IQGAP2: variants seen among roughly 807,000 people sequenced by gnomAD.
IQGAP2 encodes ras GTPase-activating-like protein IQGAP2.
Under a neutral mutation model 201.3 loss-of-function variants are expected in IQGAP2, and 173 were observed. That is an observed-to-expected ratio of 0.86 (90% CI 0.76 to 0.98). IQGAP2 has a LOEUF of 0.98. Ranked by LOEUF, IQGAP2 falls within the 50% of genes least tolerant of loss-of-function variation. IQGAP2 has a pLI of 0.00. For missense variants in IQGAP2, 1,687 were observed against 1,864.8 expected, an observed-to-expected ratio of 0.90 and a Z score of 1.76; for synonymous variants, 675 against 673.9, an observed-to-expected ratio of 1.00 and a Z score of -0.03.
chr5:76,587,361 A>G (rs945956338), intron 5 of IQGAP2, among the ~76,000 whole-genome samples: 8 of 138,204 alleles, frequency 5.8e-5, no homozygotes, highest in Non-Finnish European at 1.1e-4. Flanking sequence ...ATGCACAAAG[A>G]TGTGTCTGTG....
intron 30 of IQGAP2, among the ~76,000 whole-genome samples, chr5:76,689,946 G>A (rs1439181626): frequency 2.0e-5 from 3 of 152,160 alleles, no homozygotes; most frequent in African/African-American, 7.2e-5. Context: ...GCTTACAAGC[G>A]CCGTATGGGC....
chr5:76,678,907 G>A, intron 28 of IQGAP2, among the ~76,000 whole-genome samples: 1 of 152,102 alleles, frequency 6.6e-6, no homozygotes, highest in East Asian at 1.9e-4. Flanking sequence ...GTTGAAACAG[G>A]GAACTTCCCT....
intron 3 of IQGAP2, 69 bp from the exon 4 acceptor site, chr5:76,570,511 A>G (rs1745037174): frequency 5.8e-6 from 6 of 1,031,344 alleles, no homozygotes; most frequent in Non-Finnish European, 9.2e-6. Flanking sequence ...ACATGAAAAA[A>G]GTTATTGCAA....
intron 5 of IQGAP2, among the ~76,000 whole-genome samples, chr5:76,581,265 C>G (rs770940912): frequency 3.3e-5 from 5 of 152,340 alleles, no homozygotes; most frequent in Admixed American, 2.6e-4. Context: ...CCCTTAGAAC[C>G]TTTTCCTTCC....
At chr5:76,575,224 A>ATGTG (rs10657778) in intron 4 of IQGAP2, among the ~76,000 whole-genome samples, 109 of 151,484 alleles carry the variant, frequency 7.2e-4, no homozygotes, top group South Asian at 2.7e-3. Flanking sequence ...GATTTTTTAA[A>ATGTG]TGTGTGTGTG....
chr5:76,413,261 C>T (rs1400364616), intron 1 of IQGAP2, among the ~76,000 whole-genome samples: 2 of 144,840 alleles, frequency 1.4e-5, no homozygotes, highest in East Asian at 4.4e-4. Flanking sequence ...CTCCACCTCC[C>T]AGGTTCAAGC....
chr5:76,493,552 T>C (rs954566041), intron 2 of IQGAP2, among the ~76,000 whole-genome samples: 9 of 152,218 alleles, frequency 5.9e-5, no homozygotes, highest in Non-Finnish European at 1.2e-4. Flanking sequence ...CCTTCTGCCA[T>C]GATGTGTCAT....
At chr5:76,435,894 T>G (rs7710677) in intron 1 of IQGAP2, among the ~76,000 whole-genome samples, 5,142 of 152,258 alleles carry the variant, frequency 0.034, 152 homozygotes, top group African/African-American at 0.079. Context: ...TGTAGTGATC[T>G]TTCACCTCCT....
At chr5:76,618,800 A>T (rs1749290468) in intron 13 of IQGAP2, among the ~76,000 whole-genome samples, 1 of 152,250 alleles carries the variant, frequency 6.6e-6, no homozygotes. Flanking sequence ...TATATTTAAT[A>T]CATATCATAT....
intron 35 of IQGAP2, among the ~76,000 whole-genome samples, chr5:76,706,757 T>C (rs1747938632): frequency 6.6e-6 from 1 of 152,254 alleles, no homozygotes; most frequent in Admixed American, 6.5e-5. Context: ...GATCATCATT[T>C]ACTTTCATAC....
intron 2 of IQGAP2, among the ~76,000 whole-genome samples, chr5:76,516,222 A>C (rs1248714013): frequency 1.3e-5 from 2 of 152,178 alleles, no homozygotes; most frequent in East Asian, 3.8e-4. Context: ...TAATATGCAG[A>C]AAATAGGCTT....
At chr5:76,640,122 GGAA>G (rs1751451194) in intron 16 of IQGAP2, among the ~76,000 whole-genome samples, 1 of 91,230 alleles carries the variant, frequency 1.1e-5, no homozygotes, top group Non-Finnish European at 2.5e-5. Context: ...CTAAACAACT[GGAA>G]TCCAGTTACC....
intron 15 of IQGAP2, 122 bp downstream of exon 15, chr5:76,632,148 A>G: frequency 5.9e-6 from 5 of 847,046 alleles, no homozygotes; most frequent in South Asian, 2.3e-5. Flanking sequence ...ATTTTTTGTC[A>G]TCTATGGCTA....
Position 76,403,736 on chromosome 5 carries a change from G to A in IQGAP2, c.46+145G>A. 1.6e-6 allele frequency: 1 copy of A among 615,480 alleles called. No homozygotes were observed. The highest frequency in any genetic ancestry group is 2.6e-6 in the Non-Finnish European group (1 of 390,198). 38.1% of individuals were successfully genotyped at this position (615,480 alleles called of 1,614,324 possible). A position where few individuals can be genotyped will look rare whatever the true frequency, so the allele number is the denominator to read the frequency against. ...TGCGCGGCTGGCAAAGTTGGGAGCT[G>A]GAGTTGCAAAGGGCAGTGAATCGCG... On this transcript the variant is annotated intron_variant, in intron 1 of 35. Coordinates refer to ENST00000274364, the MANE Select transcript of IQGAP2 (RefSeq NM_006633.5). The surrounding 1 kb of genome is among the most constrained non-coding windows in gnomAD (Gnocchi z 4.8).
At chr5:76,517,202 C>T (rs1758382437) in intron 2 of IQGAP2, among the ~76,000 whole-genome samples, 1 of 151,922 alleles carries the variant, frequency 6.6e-6, no homozygotes, top group Admixed American at 6.6e-5. Flanking sequence ...TCTCATATGC[C>T]ATAGTTCAAA....
intron 7 of IQGAP2, among the ~76,000 whole-genome samples, chr5:76,589,980 A>G (rs1746533243): frequency 6.6e-6 from 1 of 152,192 alleles, no homozygotes; most frequent in African/African-American, 2.4e-5. Context: ...ATAGTTCTCT[A>G]CTTTCTGTGT....
At chr5:76,662,456 A>G (rs574554723) in intron 21 of IQGAP2, among the ~76,000 whole-genome samples, 1 of 152,340 alleles carries the variant, frequency 6.6e-6, no homozygotes, top group South Asian at 2.1e-4. Context: ...TGAAGTCTGC[A>G]ACAAAACAAA....
At chr5:76,662,994 G>T (rs538159955) in intron 21 of IQGAP2, among the ~76,000 whole-genome samples, 13 of 152,326 alleles carry the variant, frequency 8.5e-5, no homozygotes, top group African/African-American at 2.9e-4. Context: ...TAGCCACATG[G>T]AACTGTCTTA....
rs766915107 is a variant in IQGAP2, at chr5:76,618,580, C to T, written c.1521+7397C>T. 5 of 1,613,918 alleles carry T rather than the reference C, an allele frequency of 3.1e-6. No homozygotes were observed. In the African/African-American group the frequency reaches 6.7e-5, roughly 22 times the overall value. On this transcript the variant is annotated intron_variant, in intron 13 of 35. Coordinates refer to ENST00000274364, the MANE Select transcript of IQGAP2 (RefSeq NM_006633.5). ...AACTCTTCAAAAGAATTTGGGGGAG[C>T]TCCACGAAAGGTCTTAATGGGTAAG...
Sources: gnomAD v4.1 joint callset for allele counts (sites outside exome capture counted in the v4.1 genomes callset) on GRCh38, gnomAD v4.1.1 for gene constraint, Gnocchi (gnomAD v3.1) non-coding constraint, MANE v1.5 for transcripts, NCBI Gene and HGNC (gene_info 2026-07-23, HGNC 2026-07-21) for gene names.